The following BOC variants were observed in gnomAD, a reference collection of about 807,000 sequenced individuals.
BOC encodes the protein BOC cell adhesion associated, oncogene regulated.
In BOC, 76 loss-of-function variants were observed where a neutral mutation model predicts 112.0. The observed-to-expected ratio is 0.68, with a 90% CI of 0.56 to 0.82. BOC has a LOEUF of 0.82. BOC is among the 40% of genes least tolerant of loss of function. BOC has a pLI of 0.00. For missense variants in BOC, 1,309 were observed against 1,511.7 expected (o/e 0.87, Z 2.22); for synonymous variants, 580 against 599.8 (o/e 0.97, Z 0.48).
intron 4 of BOC, among the ~76,000 whole-genome samples, chr3:113,256,191 C>T (rs1946201772): frequency 6.6e-6 from 1 of 152,212 alleles, no homozygotes; most frequent in South Asian, 2.1e-4. Flanking sequence ...GTGTCCAGCC[C>T]TGTACTGCCC....
intron 2 of BOC, among the ~76,000 whole-genome samples, chr3:113,229,020 G>A (rs1313662245): frequency 6.6e-6 from 1 of 152,220 alleles, no homozygotes; most frequent in Non-Finnish European, 1.5e-5. Context: ...TTTGGAAGGA[G>A]ATTAAACTAG....
Position 113,278,084 on chromosome 3 carries a change from A to G in BOC, c.1543-11A>G, listed in dbSNP as rs1948834667. 3 of 1,613,956 alleles carry G rather than the reference A, an allele frequency of 1.9e-6. No individual in the cohort carries two copies. The highest frequency in any genetic ancestry group is 1.7e-6 in the Non-Finnish European group (2 of 1,179,972). On this transcript the variant is annotated splice_polypyrimidine_tract_variant and intron_variant, in intron 9 of 19. Transcript: ENST00000682979. The surrounding 1 kb of genome is among the most constrained non-coding windows in gnomAD (Gnocchi z 4.2). ...TGAGATGCCGGTCTTTATACCAGCTACCTTCTCCAGCAGGTCACAAATTCC... is the reference window on the plus strand; with the variant it reads ...TGAGATGCCGGTCTTTATACCAGCTGCCTTCTCCAGCAGGTCACAAATTCC...
intron 4 of BOC, among the ~76,000 whole-genome samples, chr3:113,253,792 G>T (rs1945910145): frequency 6.6e-6 from 1 of 152,104 alleles, no homozygotes; most frequent in Non-Finnish European, 1.5e-5. Flanking sequence ...GACAATTAGG[G>T]CCTTTCCAGT....
intron 15 of BOC, 79 bp from the exon 16 acceptor site, chr3:113,283,332 G>C: frequency 2.2e-6 from 3 of 1,388,434 alleles, no homozygotes; most frequent in Non-Finnish European, 2.9e-6. Context: ...CCATGGAATG[G>C]GGGTATTTTT....
chr3:113,283,462 C>G lies in BOC; in HGVS notation c.2486C>G (p.Pro829Arg), dbSNP rs150200848. ...PGRLPPPTLA[P>R]PQPPLPETIE... is the part of the protein sequence containing the mutation. Reference sequence around the variant, plus strand: ...CGACTGCCACCCCCAACTCTGGCCCCACCACAGCCGCCCCTTCCTGAAACC... The same window carrying G: ...CGACTGCCACCCCCAACTCTGGCCCGACCACAGCCGCCCCTTCCTGAAACC... Residue 829 changes from proline (P) to arginine (R), a missense_variant, in exon 16 of 20, where the codon CCA becomes CGA. By Grantham distance (103) the Pro-to-Arg change is moderately radical. Transcript: ENST00000682979. 1,703 of 1,613,650 alleles carry G rather than the reference C, an allele frequency of 1.1e-3. 11 individuals are homozygous for G. The African/African-American group carries it at 0.02, about 19-fold the overall frequency.
rs1358622537 is a variant in BOC, at chr3:113,279,936, G to C, written c.2136G>C (p.Arg712Ser). ...VSGYSGRVYE[R>S]PVAGPYITFT... ...GCTACAGCGGTCGCGTGTACGAGAGGCCCGTGGCAGGTCCTTATATCACCT... is the reference window on the plus strand; with the variant it reads ...GCTACAGCGGTCGCGTGTACGAGAGCCCCGTGGCAGGTCCTTATATCACCT... The change falls in exon 13 of 20, where the codon AGG becomes AGC. Residue 712 changes from arginine (R) to serine (S), a missense_variant. Arg to Ser is a moderately radical substitution (Grantham distance 110, BLOSUM62 -1). Coordinates refer to ENST00000682979, the MANE Select transcript of BOC (RefSeq NM_001378074.1). 1.2e-6 allele frequency: 2 copies of C among 1,613,870 alleles called. No homozygotes were observed. The highest frequency in any genetic ancestry group is 2.7e-5 in the African/African-American group (2 of 74,916).
intron 4 of BOC, among the ~76,000 whole-genome samples, chr3:113,256,948 A>G (rs1436090170): frequency 6.6e-6 from 1 of 152,160 alleles, no homozygotes; most frequent in African/African-American, 2.4e-5. Flanking sequence ...TCTCTGGAAA[A>G]CATGTCTTTG....
At chr3:113,214,379 AC>A (rs1189607451) in intron 1 of BOC, among the ~76,000 whole-genome samples, 2 of 152,052 alleles carry the variant, frequency 1.3e-5, no homozygotes, top group African/African-American at 4.8e-5. Flanking sequence ...TTTCACATGG[AC>A]CCCCCACGGT....
intron 1 of BOC, 40 bp downstream of exon 1, chr3:113,212,056 A>C (rs1938232598): frequency 6.6e-6 from 1 of 151,642 alleles, no homozygotes; most frequent in African/African-American, 2.4e-5. Context: ...TTTCATAAAA[A>C]GTTGTGTTTA....
chr3:113,224,506 C>G (rs936208768), intron 2 of BOC, among the ~76,000 whole-genome samples: 3 of 150,124 alleles, frequency 2.0e-5, no homozygotes, highest in Non-Finnish European at 1.5e-5. Flanking sequence ...GAATCTCTTC[C>G]AAGCCCACTC....
chr3:113,264,534 A>G (rs74615034), intron 4 of BOC, among the ~76,000 whole-genome samples: 1,840 of 152,306 alleles, frequency 0.012, 39 homozygotes, highest in African/African-American at 0.042. Flanking sequence ...CCAGCTTTGC[A>G]GACAAAGGGG....
intron 2 of BOC, among the ~76,000 whole-genome samples, chr3:113,228,939 C>G (rs1363098035): frequency 6.6e-6 from 1 of 151,110 alleles, no homozygotes; most frequent in Non-Finnish European, 1.5e-5. Context: ...CCTCCGCTCC[C>G]ATACATGCAT....
At chr3:113,245,643 A>G (rs1475633899) in intron 2 of BOC, among the ~76,000 whole-genome samples, 1 of 152,180 alleles carries the variant, frequency 6.6e-6, no homozygotes, top group Non-Finnish European at 1.5e-5. Flanking sequence ...GAGCATGCAA[A>G]ATGAAAAGTA....
chr3:113,278,273 T>G lies in BOC; in HGVS notation c.1705+16T>G. 1.9e-6 allele frequency: 3 copies of G among 1,613,326 alleles called. No homozygotes were observed. The highest frequency in any genetic ancestry group is 2.5e-6 in the Non-Finnish European group (3 of 1,179,380). On this transcript the variant is annotated intron_variant, in intron 10 of 19. Coordinates refer to ENST00000682979, the MANE Select transcript of BOC (RefSeq NM_001378074.1). The surrounding 1 kb of genome is among the most constrained non-coding windows in gnomAD (Gnocchi z 4.2). ...TTCCGAACTGGTGAGAGTCAAACAT[T>G]GCCCCTTGCTTAGGGTTTCCGTGGG...
intron 2 of BOC, among the ~76,000 whole-genome samples, chr3:113,233,307 C>T (rs1045203808): frequency 2.0e-5 from 3 of 151,904 alleles, no homozygotes; most frequent in African/African-American, 7.3e-5. Context: ...GCACCTGAGA[C>T]CTATTTTGAG....
intron 2 of BOC, among the ~76,000 whole-genome samples, chr3:113,226,590 C>G (rs572268103): frequency 6.6e-6 from 1 of 152,234 alleles, no homozygotes; most frequent in Admixed American, 6.5e-5. Context: ...GCAGAACTAA[C>G]TTTCCCCACA....
chr3:113,280,328 A>T (rs1949074808), intron 13 of BOC, among the ~76,000 whole-genome samples: 1 of 152,246 alleles, frequency 6.6e-6, no homozygotes, highest in South Asian at 2.1e-4. Flanking sequence ...GAGAAATGGC[A>T]ATTTGTTTCT....
At chr3:113,255,615 T>C (rs1369563430) in intron 4 of BOC, among the ~76,000 whole-genome samples, 2 of 152,160 alleles carry the variant, frequency 1.3e-5, no homozygotes, top group Non-Finnish European at 1.5e-5. Flanking sequence ...CAAGTTAATG[T>C]GAAGTCTTAA....
chr3:113,254,235 C>CTA (rs1449657107), intron 4 of BOC, among the ~76,000 whole-genome samples: 6 of 152,132 alleles, frequency 3.9e-5, no homozygotes, highest in Non-Finnish European at 8.8e-5. Flanking sequence ...AAGCCAAGAA[C>CTA]TATTGGCTTG....
Sources: allele counts gnomAD v4.1 joint callset (sites outside exome capture counted in the v4.1 genomes callset), GRCh38; gene constraint gnomAD v4.1.1; non-coding constraint Gnocchi (gnomAD v3.1); transcripts MANE v1.5; gene names NCBI Gene and HGNC (gene_info 2026-07-23, HGNC 2026-07-21).